Variants in LETM1 observed in about 807,000 individuals in gnomAD.
LETM1 encodes the protein leucine zipper and EF-hand containing transmembrane protein 1, also known as mitochondrial proton/calcium exchanger protein.
LETM1 carries 50 observed loss-of-function variants against 74.5 expected under a neutral mutation model. The observed-to-expected ratio is 0.67, with a 90% CI of 0.53 to 0.85. The LOEUF (loss-of-function observed/expected upper bound fraction) is 0.85. Ranked by LOEUF, LETM1 falls within the 40% of genes least tolerant of loss-of-function variation. The pLI, the probability that LETM1 is intolerant of heterozygous loss-of-function variation, is 0.00. For missense variants in LETM1, 824 were observed against 967.8 expected (o/e 0.85, Z 1.97); for synonymous variants, 446 against 407.1 (o/e 1.10, Z -1.15).
At chr4:1,823,860 T>G (rs546379008) in intron 7 of LETM1, 85 bp from the exon 8 acceptor site, 65 of 1,424,018 alleles carry the variant, frequency 4.6e-5, no homozygotes, top group Non-Finnish European at 5.3e-5. Flanking sequence ...ATCACCAGAA[T>G]AGCTCTCAGA....
chr4:1,842,737 T>A (rs1712746905), intron 2 of LETM1, among the ~76,000 whole-genome samples: 1 of 152,158 alleles, frequency 6.6e-6, no homozygotes, highest in African/African-American at 2.4e-5. Context: ...CTGTGCCATA[T>A]CCACCCACAG....
intron 9 of LETM1, chr4:1,822,589 C>G: frequency 2.8e-6 from 1 of 352,480 alleles, no homozygotes; most frequent in Non-Finnish European, 5.1e-6. Context: ...GGAGGCTGAG[C>G]CTGTGGGTGG....
chr4:1,820,041 A>G (rs1022345802), intron 10 of LETM1, among the ~76,000 whole-genome samples: 2 of 152,314 alleles, frequency 1.3e-5, no homozygotes, highest in African/African-American at 4.8e-5. Context: ...AAGCTCAAGC[A>G]ATCTCCTGCC....
chr4:1,834,507 G>A lies in LETM1; in HGVS notation c.876+338C>T. ...TCCAGCCAGAGGGCAATGCCCAGCA[G>A]AGGAGCCCGGCCAAGCCACCCACAC... On this transcript the variant is annotated intron_variant, in intron 5 of 13. Coordinates refer to ENST00000302787, the MANE Select transcript of LETM1 (RefSeq NM_012318.3). This position sits in a 1 kb window ranked among gnomAD's most constrained non-coding sequence, Gnocchi z 5.0. 9.2e-7 allele frequency: 1 copy of A among 1,088,948 alleles called. No individual in the cohort carries two copies. Among genetic ancestry groups the A allele is most frequent in the Non-Finnish European group, 1.1e-6 (1 of 894,036 alleles). The allele number at this position is 1,088,948 out of a possible 1,614,324, so 67.5% of individuals were successfully genotyped here.
intron 10 of LETM1, among the ~76,000 whole-genome samples, chr4:1,820,117 G>C (rs1166213968): frequency 1.3e-5 from 2 of 151,990 alleles, no homozygotes; most frequent in Non-Finnish European, 2.9e-5. Flanking sequence ...TTTATTTTTT[G>C]TAAAGACGGC....
At chr4:1,839,330 C>T (rs920219465) in intron 3 of LETM1, 25 of 152,314 alleles carry the variant, frequency 1.6e-4, no homozygotes, top group African/African-American at 5.3e-4. Flanking sequence ...TCCAGACAGA[C>T]GTTGAAGCAG....
At position 1,835,158 on chromosome 4, in the gene LETM1, G is replaced by A. The variant is rs543083435; in HGVS notation, c.739-176C>T. On this transcript the variant is annotated intron_variant, in intron 4 of 13. Transcript: ENST00000302787. ...TATTTCATGGTTTTAAAAAGTACCCGTGTGGGCCGGGCACAGTGGCTCATG... is the reference window on the plus strand; with the variant it reads ...TATTTCATGGTTTTAAAAAGTACCCATGTGGGCCGGGCACAGTGGCTCATG... 2.8e-4 allele frequency among the ~76,000 whole-genome samples: 42 copies of A among 152,294 alleles called. 1 individual carries two copies. Among genetic ancestry groups the A allele is most frequent in the Admixed American group, 2.4e-3 (37 of 15,294 alleles).
At position 1,822,401 on chromosome 4, in the gene LETM1, C is replaced by T. The variant is rs997542848; in HGVS notation, c.1477-89G>A. ...CGAAGCTCAGAACATATGGCAGAGG[C>T]CACACTGGGAGCAGGCCTGCAGGTG... is the stretch of plus-strand genomic sequence containing the variant. On this transcript the variant is annotated intron_variant, in intron 9 of 13. Transcript: ENST00000302787. 9.2e-6 allele frequency: 12 copies of T among 1,302,496 alleles called. No homozygotes were observed. In the South Asian group the frequency reaches 2.5e-4, roughly 27 times the overall value. 80.7% of individuals were successfully genotyped at this position (1,302,496 alleles called of 1,614,324 possible). A position where few individuals can be genotyped will look rare whatever the true frequency, so the allele number is the denominator to read the frequency against.
chr4:1,847,734 G>C (rs929801233), intron 2 of LETM1, among the ~76,000 whole-genome samples: 4 of 147,384 alleles, frequency 2.7e-5, no homozygotes, highest in Non-Finnish European at 4.5e-5. Flanking sequence ...TGAGGCAGGA[G>C]AATCGCTTGA....
chr4:1,850,466 A>G (rs1420440568), intron 1 of LETM1, among the ~76,000 whole-genome samples: 1 of 152,016 alleles, frequency 6.6e-6, no homozygotes, highest in Non-Finnish European at 1.5e-5. Flanking sequence ...AGACAGCCCT[A>G]TAGAGCAAGC....
chr4:1,820,646 G>C (rs1026143657), intron 10 of LETM1, among the ~76,000 whole-genome samples: 8 of 152,202 alleles, frequency 5.3e-5, no homozygotes, highest in African/African-American at 1.7e-4. Flanking sequence ...ACAGATACTG[G>C]GTTCTGCCAC....
At chr4:1,828,500 G>A (rs1328483703) in intron 6 of LETM1, among the ~76,000 whole-genome samples, 5 of 125,310 alleles carry the variant, frequency 4.0e-5, no homozygotes, top group East Asian at 2.7e-4. Flanking sequence ...GGCCGGGCAG[G>A]GGGGCTGACC....
chr4:1,841,473 C>T lies in LETM1; in HGVS notation c.468G>A (p.Arg156=), dbSNP rs1050591583. 1.9e-6 allele frequency: 3 copies of T among 1,614,132 alleles called. No individual in the cohort carries two copies. The highest frequency in any genetic ancestry group is 1.3e-5 in the African/African-American group (1 of 74,940). ...AGTAGTGCTTCAGCTCGTCCAGCAC[C>T]CGCTGCCCCAGGGACTTCTTCACCA... ...EVVVKKSLGQ[R]VLDELKHYYH... The change falls in exon 3 of 14, where the codon CGG becomes CGA. Residue 156 remains arginine (R), a synonymous_variant. Transcript: ENST00000302787.
chr4:1,849,025 A>T, intron 2 of LETM1, 124 bp downstream of exon 2: 1 of 699,720 alleles, frequency 1.4e-6, no homozygotes. Context: ...GGTTTAAAAG[A>T]AACAAAGAAC....
In LETM1 at chr4:1,855,908, C is replaced by T; in HGVS notation, c.43G>A (p.Ala15Thr). ...LLRSCRGRAPARLPPPPRYTV... is the reference protein window; with the variant it reads ...LLRSCRGRAPTRLPPPPRYTV... The stretch of plus-strand genomic sequence containing the variant: ...TACCGAGGCGGCGGCGGGAGGCGGG[C>T]GGGCGCCCGGCCGCGGCAGCTCCTC... The change falls in exon 1 of 14, where the codon GCC (alanine) becomes ACC (threonine). Residue 15 changes from alanine (A) to threonine (T), a missense_variant. This residue lies in a region of LETM1 where 222 missense variants were observed against 195.6 expected (regional missense o/e 1.14). Coordinates refer to ENST00000302787, the MANE Select transcript of LETM1 (RefSeq NM_012318.3). 8.1e-7 allele frequency: 1 copy of T among 1,237,628 alleles called. No homozygotes were observed. 76.7% of individuals were successfully genotyped at this position (1,237,628 alleles called of 1,614,324 possible). A position where few individuals can be genotyped will look rare whatever the true frequency, so the allele number is the denominator to read the frequency against.
intron 1 of LETM1, among the ~76,000 whole-genome samples, chr4:1,854,238 T>A (rs1194425572): frequency 1.3e-5 from 2 of 151,852 alleles, no homozygotes; most frequent in Non-Finnish European, 2.9e-5. Context: ...TCCCAGCACT[T>A]TGGGAGGCTG....
At chr4:1,820,702 A>AT (rs1711746454) in intron 10 of LETM1, among the ~76,000 whole-genome samples, 2 of 152,154 alleles carry the variant, frequency 1.3e-5, no homozygotes, top group South Asian at 4.1e-4. Flanking sequence ...AGCTTTTCTA[A>AT]TTTAGTCTGT....
chr4:1,817,130 A>T (rs1289511212), intron 11 of LETM1, among the ~76,000 whole-genome samples: 1 of 151,194 alleles, frequency 6.6e-6, no homozygotes, highest in Non-Finnish European at 1.5e-5. Flanking sequence ...CCTGTAATCC[A>T]GTTACTTGGG....
chr4:1,849,429 T>TG (rs1396591026), intron 1 of LETM1, among the ~76,000 whole-genome samples: 1 of 152,008 alleles, frequency 6.6e-6, no homozygotes, highest in Non-Finnish European at 1.5e-5. Context: ...CATGCCCAGC[T>TG]AATTTTTTTT....
Sources: gnomAD v4.1 joint callset for allele counts (sites outside exome capture counted in the v4.1 genomes callset) on GRCh38, gnomAD v4.1.1 for gene constraint, gnomAD v4.1.1 regional missense constraint, Gnocchi (gnomAD v3.1) non-coding constraint, MANE v1.5 for transcripts, NCBI Gene and HGNC (gene_info 2026-07-23, HGNC 2026-07-21) for gene names.